Variants in SRGAP1 observed in about 807,000 individuals in gnomAD.
The protein encoded by SRGAP1 is SLIT-ROBO Rho GTPase-activating protein 1.
A neutral mutation model predicts 121.9 loss-of-function variants in SRGAP1; 43 were observed. The observed-to-expected ratio is 0.35, with a 90% CI of 0.28 to 0.46. The LOEUF is 0.46. Among genes scored for constraint, SRGAP1 ranks in the 20% least tolerant of loss-of-function variants. The probability of loss-of-function intolerance (pLI) is 1.00; values close to 1 mark genes in which losing one functional copy is unlikely to be tolerated. For missense variants in SRGAP1, 1,102 were observed against 1,350.9 expected, an observed-to-expected ratio of 0.82 and a Z score of 2.89; for synonymous variants, 447 against 485.4, an observed-to-expected ratio of 0.92 and a Z score of 1.04.
chr12:63,884,843 C>T (rs971087391), intron 1 of SRGAP1, among the ~76,000 whole-genome samples: 9 of 151,828 alleles, frequency 5.9e-5, no homozygotes, highest in South Asian at 2.1e-4. Context: ...CCTCAGCCTC[C>T]GGAGTAGCTG....
intron 11 of SRGAP1, among the ~76,000 whole-genome samples, chr12:64,088,916 T>C (rs1307876208): frequency 6.6e-6 from 1 of 152,170 alleles, no homozygotes; most frequent in Non-Finnish European, 1.5e-5. Flanking sequence ...CAAACAAAAT[T>C]CTAATCTGCT....
At chr12:63,977,570 C>T (rs1041553251) in intron 1 of SRGAP1, among the ~76,000 whole-genome samples, 3 of 152,196 alleles carry the variant, frequency 2.0e-5, no homozygotes, top group Admixed American at 6.5e-5. Flanking sequence ...GCTTCCCTTT[C>T]TGAGAGCAAT....
intron 3 of SRGAP1, among the ~76,000 whole-genome samples, chr12:63,992,224 A>G (rs1042751086): frequency 6.6e-6 from 1 of 152,308 alleles, no homozygotes; most frequent in East Asian, 1.9e-4. Context: ...GAGGATGTGT[A>G]TTTTGTAAGT....
intron 1 of SRGAP1, among the ~76,000 whole-genome samples, chr12:63,961,186 G>T (rs987233627): frequency 6.6e-6 from 1 of 152,046 alleles, no homozygotes; most frequent in Non-Finnish European, 1.5e-5. Flanking sequence ...GCCATACCAC[G>T]TATCAAGTGC....
intron 1 of SRGAP1, among the ~76,000 whole-genome samples, chr12:63,867,579 G>A (rs1382782001): frequency 6.6e-6 from 1 of 151,930 alleles, no homozygotes; most frequent in Non-Finnish European, 1.5e-5. Context: ...TTGATATGAT[G>A]AATCAATCTT....
rs988431313 is a variant in SRGAP1 at position 64,150,957 on chromosome 12, A to C, written c.*8285A>C. On this transcript the variant is annotated 3_prime_UTR_variant, in exon 22 of 22. Transcript: ENST00000355086. Reference sequence around the variant, plus strand: ...CTCAAAAAAAAAAAAAAAAAAAAAAAAAACATGGTCAAGATTTGTAATAGA... The same window carrying C: ...CTCAAAAAAAAAAAAAAAAAAAAAACAAACATGGTCAAGATTTGTAATAGA... 2.0e-5 allele frequency: 3 copies of C among 147,324 alleles called. No individual in the cohort carries two copies. Among genetic ancestry groups the C allele is most frequent in the African/African-American group, 5.1e-5 (2 of 39,116 alleles). The allele number at this position is 147,324 out of a possible 1,614,324, so 9.1% of individuals were successfully genotyped here.
At chr12:63,994,288 A>G (rs1470455554) in intron 3 of SRGAP1, among the ~76,000 whole-genome samples, 1 of 152,220 alleles carries the variant, frequency 6.6e-6, no homozygotes, top group Non-Finnish European at 1.5e-5. Flanking sequence ...ACCAAATATT[A>G]TACCAAATGT....
rs1164373583 is a variant in SRGAP1 at position 64,161,300 on chromosome 12, C to G, written c.*18628C>G. Reference sequence around the variant, plus strand: ...GATTATTTTATCTCCTCCATTCCATCTGTTTTCTTATAATTCCTAATATTT... The same window carrying G: ...GATTATTTTATCTCCTCCATTCCATGTGTTTTCTTATAATTCCTAATATTT... On this transcript the variant is annotated 3_prime_UTR_variant, in exon 22 of 22. Transcript: ENST00000355086. 1 of 152,160 alleles carries G rather than the reference C, an allele frequency of 6.6e-6. No individual in the cohort carries two copies. The highest frequency in any genetic ancestry group is 2.4e-5 in the African/African-American group (1 of 41,458). 9.4% of individuals were successfully genotyped at this position (152,160 alleles called of 1,614,324 possible). A position where few individuals can be genotyped will look rare whatever the true frequency, so the allele number is the denominator to read the frequency against.
chr12:64,043,383 TTC>T lies in SRGAP1; in HGVS notation c.673-60_673-59del, dbSNP rs1281716381. 3.4e-5 allele frequency: 51 copies of T among 1,497,604 alleles called. No homozygotes were observed. In the East Asian group the frequency reaches 1.2e-3, roughly 35 times the overall value. The allele number at this position is 1,497,604 out of a possible 1,614,324, so 92.8% of individuals were successfully genotyped here. A position where few individuals can be genotyped will look rare whatever the true frequency, so the allele number is the denominator to read the frequency against. On this transcript the variant is annotated intron_variant, in intron 5 of 21. Transcript: ENST00000355086. Reference sequence around the variant, plus strand: ...AAGGTTAATAAAAATGCATGTATGTTTCTCTGTCTTGATTAAAAATGACTTTG... The same window carrying T: ...AAGGTTAATAAAAATGCATGTATGTTTCTGTCTTGATTAAAAATGACTTTG...
intron 1 of SRGAP1, among the ~76,000 whole-genome samples, chr12:63,913,936 G>T (rs1049104870): frequency 6.6e-6 from 1 of 151,548 alleles, no homozygotes; most frequent in African/African-American, 2.4e-5. Context: ...TGAAAAAACT[G>T]GTCCTTTATT....
chr12:64,085,852 C>G (rs2136573538), intron 10 of SRGAP1, among the ~76,000 whole-genome samples: 1 of 152,308 alleles, frequency 6.6e-6, no homozygotes, highest in South Asian at 2.1e-4. Flanking sequence ...AAGTCATGTC[C>G]ATGAACTCAT....
At chr12:63,862,070 G>A (rs943875337) in intron 1 of SRGAP1, among the ~76,000 whole-genome samples, 1 of 152,170 alleles carries the variant, frequency 6.6e-6, no homozygotes, top group Non-Finnish European at 1.5e-5. Flanking sequence ...GCAGTGAGCC[G>A]AGATCACGCC....
chr12:64,039,565 T>C (rs61931195), intron 4 of SRGAP1, among the ~76,000 whole-genome samples: 28,032 of 151,522 alleles, frequency 0.19, 3,307 homozygotes, highest in Non-Finnish European at 0.27. Context: ...CATCCAAGTG[T>C]AATGAGAGTC....
At chr12:63,935,832 T>C (rs1441169324) in intron 1 of SRGAP1, among the ~76,000 whole-genome samples, 1 of 152,214 alleles carries the variant, frequency 6.6e-6, no homozygotes, top group African/African-American at 2.4e-5. Context: ...CTTGAGATCC[T>C]GTAACTGTTA....
intron 17 of SRGAP1, 31 bp from the exon 18 acceptor site, chr12:64,115,783 T>C: frequency 6.3e-7 from 1 of 1,595,604 alleles, no homozygotes; most frequent in Non-Finnish European, 8.6e-7. Context: ...TCTATTTTAA[T>C]TTCATATGAA....
chr12:63,904,231 T>G (rs1228403686), intron 1 of SRGAP1, among the ~76,000 whole-genome samples: 1 of 152,188 alleles, frequency 6.6e-6, no homozygotes, highest in African/African-American at 2.4e-5. Context: ...ATGCCCACCT[T>G]CTAAAGACTA....
intron 1 of SRGAP1, among the ~76,000 whole-genome samples, chr12:63,951,538 G>A (rs1298008589): frequency 6.6e-6 from 1 of 152,188 alleles, no homozygotes; most frequent in East Asian, 1.9e-4. Context: ...AGCCACAGCA[G>A]CAAAACTGAT....
At chr12:64,020,282 C>T (rs753949949) in intron 4 of SRGAP1, among the ~76,000 whole-genome samples, 109 of 152,116 alleles carry the variant, frequency 7.2e-4, no homozygotes, top group Middle Eastern at 3.4e-3. Context: ...GATATGATAT[C>T]ATATGATGAT....
In SRGAP1 at chr12:64,158,199, T is replaced by C. The variant is rs1434738406; in HGVS notation, c.*15527T>C. 3 of 152,198 alleles carry C rather than the reference T, an allele frequency of 2.0e-5. No homozygotes were observed. The highest frequency in any genetic ancestry group is 7.2e-5 in the African/African-American group (3 of 41,454). 9.4% of individuals were successfully genotyped at this position (152,198 alleles called of 1,614,324 possible). ...CTGGTGCATAGTTAGTGCTCAAGAA[T>C]TGTGCTATAATCAATGTTACTAAAT... On this transcript the variant is annotated 3_prime_UTR_variant, in exon 22 of 22. Transcript: ENST00000355086.
Sources: allele counts gnomAD v4.1 joint callset (sites outside exome capture counted in the v4.1 genomes callset), GRCh38; gene constraint gnomAD v4.1.1; transcripts MANE v1.5; gene names NCBI Gene and HGNC (gene_info 2026-07-23, HGNC 2026-07-21).